PCCA: variants seen among roughly 807,000 people sequenced by gnomAD.
The protein encoded by PCCA is propionyl-CoA carboxylase alpha chain, mitochondrial.
A neutral mutation model predicts 101.3 loss-of-function variants in PCCA; 74 were observed. The observed-to-expected ratio is 0.73, with a 90% CI of 0.61 to 0.89. The LOEUF (loss-of-function observed/expected upper bound fraction) is 0.89. PCCA is among the 40% of genes least tolerant of loss of function. The pLI, the probability that PCCA is intolerant of heterozygous loss-of-function variation, is 0.00. For missense variants in PCCA, 891 were observed against 907.0 expected, an observed-to-expected ratio of 0.98 and a Z score of 0.23; for synonymous variants, 294 against 313.6, an observed-to-expected ratio of 0.94 and a Z score of 0.66.
intron 4 of PCCA, among the ~76,000 whole-genome samples, chr13:100,134,836 C>G (rs966139617): frequency 1.3e-5 from 2 of 151,972 alleles, no homozygotes; most frequent in Non-Finnish European, 1.5e-5. Context: ...CCATGCCTAG[C>G]CTGTTTAGGT....
intron 1 of PCCA, among the ~76,000 whole-genome samples, chr13:100,099,158 T>C (rs1010183475): frequency 6.6e-6 from 1 of 152,140 alleles, no homozygotes; most frequent in African/African-American, 2.4e-5. Context: ...TTTAGTATTA[T>C]TCATCTGAAT....
At chr13:100,100,503 A>G (rs140425570) in intron 1 of PCCA, among the ~76,000 whole-genome samples, 44 of 152,390 alleles carry the variant, frequency 2.9e-4, no homozygotes, top group African/African-American at 1.1e-3. Flanking sequence ...CATGCTTAAC[A>G]AAAACAACAA....
intron 21 of PCCA, among the ~76,000 whole-genome samples, chr13:100,476,725 T>C (rs1408091059): frequency 6.6e-6 from 1 of 152,136 alleles, no homozygotes; most frequent in Non-Finnish European, 1.5e-5. Context: ...AACCAGCTGG[T>C]GTACACACTG....
chr13:100,094,312 T>C (rs182830836), intron 1 of PCCA, among the ~76,000 whole-genome samples: 1 of 151,954 alleles, frequency 6.6e-6, no homozygotes, highest in African/African-American at 2.4e-5. Flanking sequence ...AGTAGCATGG[T>C]AAAGTGTTAT....
intron 21 of PCCA, among the ~76,000 whole-genome samples, chr13:100,511,822 T>C (rs1418718325): frequency 2.0e-5 from 3 of 152,210 alleles, no homozygotes; most frequent in Non-Finnish European, 4.4e-5. Flanking sequence ...AGAATTACAT[T>C]ACTGCTACTT....
intron 7 of PCCA, among the ~76,000 whole-genome samples, chr13:100,235,482 A>G (rs140305773): frequency 3.9e-4 from 60 of 152,318 alleles, no homozygotes; most frequent in African/African-American, 1.4e-3. Context: ...AATATTGGAC[A>G]GAAACAAGCT....
chr13:100,385,891 C>T (rs926308308), intron 19 of PCCA, among the ~76,000 whole-genome samples: 18 of 152,226 alleles, frequency 1.2e-4, no homozygotes, highest in Admixed American at 4.6e-4. Flanking sequence ...CAATTATAGG[C>T]ATGAGCCACT....
At chr13:100,162,080 ATG>A (rs3034650) in intron 6 of PCCA, among the ~76,000 whole-genome samples, 4,270 of 146,730 alleles carry the variant, frequency 0.029, 124 homozygotes, top group African/African-American at 0.072. Context: ...GTGTGTCTGT[ATG>A]TGTGTGTGTG....
intron 6 of PCCA, among the ~76,000 whole-genome samples, chr13:100,188,722 TATTTTTTG>T (rs1182762455): frequency 6.6e-6 from 1 of 152,166 alleles, no homozygotes; most frequent in Non-Finnish European, 1.5e-5. Context: ...CAACATCTAA[TATTTTTTG>T]ATTTTTTGAT....
At chr13:100,389,777 C>G (rs575297382) in intron 19 of PCCA, among the ~76,000 whole-genome samples, 1 of 152,048 alleles carries the variant, frequency 6.6e-6, no homozygotes, top group Non-Finnish European at 1.5e-5. Context: ...GAGGGGGAAA[C>G]GAGTGGTGAG....
chr13:100,099,448 G>C (rs2047076899), intron 1 of PCCA, among the ~76,000 whole-genome samples: 1 of 151,314 alleles, frequency 6.6e-6, no homozygotes, highest in Non-Finnish European at 1.5e-5. Flanking sequence ...CTCCCGAGTA[G>C]CTGGGACTAC....
At chr13:100,416,534 G>GTGTGTA (rs2078375394) in intron 19 of PCCA, among the ~76,000 whole-genome samples, 1 of 150,694 alleles carries the variant, frequency 6.6e-6, no homozygotes, top group Non-Finnish European at 1.5e-5. Context: ...GTGTGTGTGT[G>GTGTGTA]TGTATGTATT....
At chr13:100,133,560 A>C (rs576184707) in intron 4 of PCCA, among the ~76,000 whole-genome samples, 66 of 152,306 alleles carry the variant, frequency 4.3e-4, no homozygotes, top group African/African-American at 1.4e-3. Context: ...AATTCTCTGT[A>C]AGATTTGCAG....
intron 21 of PCCA, among the ~76,000 whole-genome samples, chr13:100,472,283 G>A (rs2083081055): frequency 6.6e-6 from 1 of 152,076 alleles, no homozygotes; most frequent in African/African-American, 2.4e-5. Context: ...CGACGACCTT[G>A]GTGGGTCAGA....
At chr13:100,211,456 T>A (rs2059207839) in intron 7 of PCCA, among the ~76,000 whole-genome samples, 1 of 152,248 alleles carries the variant, frequency 6.6e-6, no homozygotes. Context: ...AATTCTGATC[T>A]TATATCAATC....
chr13:100,360,862 C>T (rs879548360), intron 18 of PCCA, among the ~76,000 whole-genome samples: 4 of 152,290 alleles, frequency 2.6e-5, no homozygotes, highest in Admixed American at 2.6e-4. Flanking sequence ...CACGTGAATG[C>T]TTACAGCAGT....
At chr13:100,475,288 A>G (rs772312116) in intron 21 of PCCA, among the ~76,000 whole-genome samples, 2 of 152,042 alleles carry the variant, frequency 1.3e-5, no homozygotes, top group Non-Finnish European at 2.9e-5. Context: ...CATCACCCCA[A>G]AAAGAAGCCC....
intron 21 of PCCA, among the ~76,000 whole-genome samples, chr13:100,508,446 CA>C (rs924763787): frequency 4.6e-5 from 7 of 152,310 alleles, no homozygotes; most frequent in Non-Finnish European, 4.4e-5. Context: ...AGTAACACAA[CA>C]AAACCTTGAG....
intron 8 of PCCA, among the ~76,000 whole-genome samples, chr13:100,247,097 G>T (rs2061478297): frequency 6.6e-6 from 1 of 151,416 alleles, no homozygotes; most frequent in African/African-American, 2.4e-5. Context: ...TAGTAGAGAT[G>T]GGGTTTCACC....
Sources: allele counts gnomAD v4.1 joint callset (sites outside exome capture counted in the v4.1 genomes callset), GRCh38; gene constraint gnomAD v4.1.1; transcripts MANE v1.5; gene names NCBI Gene and HGNC (gene_info 2026-07-23, HGNC 2026-07-21).